Variants in RBFOX1 observed in about 807,000 individuals in gnomAD.
The protein encoded by RBFOX1 is RNA binding protein fox-1 homolog 1.
In RBFOX1, 8 loss-of-function variants were observed where a neutral mutation model predicts 57.7. The ratio of observed to expected loss-of-function variants is 0.14; its 90% CI spans 0.08 to 0.25. The LOEUF (loss-of-function observed/expected upper bound fraction) is 0.25, where lower values mean the gene tolerates loss of function less well. RBFOX1 is among the 10% of genes least tolerant of loss of function. The probability of loss-of-function intolerance (pLI) is 1.00; values close to 1 mark genes in which losing one functional copy is unlikely to be tolerated. For synonymous variants in RBFOX1, 326 were observed against 222.4 expected, an observed-to-expected ratio of 1.47 and a Z score of -4.15; for missense variants, 611 against 548.5, an observed-to-expected ratio of 1.11 and a Z score of -1.14.
At chr16:7,485,284 T>A (rs2065094104) in intron 4 of RBFOX1, among the ~76,000 whole-genome samples, 1 of 152,236 alleles carries the variant, frequency 6.6e-6, no homozygotes, top group Non-Finnish European at 1.5e-5. Flanking sequence ...TCCCTCATGT[T>A]TCCAGGCAGA....
chr16:6,980,109 G>C (rs1040701435), intron 3 of RBFOX1, among the ~76,000 whole-genome samples: 3 of 152,158 alleles, frequency 2.0e-5, no homozygotes, highest in African/African-American at 7.2e-5. Context: ...AACAGTCACA[G>C]CACAGGCTGG....
chr16:5,590,033 G>A (rs1165571489), intron 2 of RBFOX1, among the ~76,000 whole-genome samples: 2 of 134,672 alleles, frequency 1.5e-5, no homozygotes, highest in Non-Finnish European at 3.1e-5. Flanking sequence ...GCGTTTCAGA[G>A]GAGTCTGCGT....
At chr16:7,020,729 C>G (rs987820602) in intron 3 of RBFOX1, among the ~76,000 whole-genome samples, 4 of 152,056 alleles carry the variant, frequency 2.6e-5, no homozygotes, top group Non-Finnish European at 4.4e-5. Flanking sequence ...GGGAAATGTC[C>G]TTCCCTCTGA....
At chr16:6,392,221 C>G (rs1190980673) in intron 2 of RBFOX1, among the ~76,000 whole-genome samples, 1 of 152,134 alleles carries the variant, frequency 6.6e-6, no homozygotes, top group Non-Finnish European at 1.5e-5. Flanking sequence ...TACTGGTTAA[C>G]TCTAAGTATT....
At chr16:6,630,091 C>T (rs565245430) in intron 2 of RBFOX1, among the ~76,000 whole-genome samples, 1 of 151,916 alleles carries the variant, frequency 6.6e-6, no homozygotes, top group Admixed American at 6.6e-5. Context: ...TTTCAAATCC[C>T]TCCTTGGTCT....
At chr16:6,167,509 A>G (rs957424047) in intron 1 of RBFOX1, among the ~76,000 whole-genome samples, 1 of 151,956 alleles carries the variant, frequency 6.6e-6, no homozygotes, top group Admixed American at 6.6e-5. Context: ...TAACGGTTTT[A>G]TTACTCTTTG....
At chr16:6,724,731 T>C (rs11642392) in intron 3 of RBFOX1, among the ~76,000 whole-genome samples, 22,786 of 152,156 alleles carry the variant, frequency 0.15, 1,967 homozygotes, top group Non-Finnish European at 0.17. Flanking sequence ...CTTTTTTTTT[T>C]AATTTTAATT....
chr16:7,686,710 GACA>G (rs1197288768), intron 14 of RBFOX1, among the ~76,000 whole-genome samples: 7 of 152,086 alleles, frequency 4.6e-5, no homozygotes, highest in Admixed American at 1.3e-4. Context: ...CTGAGGTCCA[GACA>G]GGTGAAATGA....
chr16:7,013,634 G>C (rs147952034), intron 3 of RBFOX1, among the ~76,000 whole-genome samples: 5 of 152,308 alleles, frequency 3.3e-5, no homozygotes, highest in African/African-American at 4.8e-5. Context: ...TCAGGGAGGA[G>C]GGAGGATGCC....
chr16:7,653,020 T>G (rs1008419997), intron 11 of RBFOX1, among the ~76,000 whole-genome samples: 2 of 152,240 alleles, frequency 1.3e-5, no homozygotes, highest in African/African-American at 4.8e-5. Context: ...GAAAGTTGTG[T>G]GTATGTGTAT....
At chr16:7,198,384 A>C (rs1407024864) in intron 4 of RBFOX1, among the ~76,000 whole-genome samples, 1 of 152,226 alleles carries the variant, frequency 6.6e-6, no homozygotes, top group Non-Finnish European at 1.5e-5. Context: ...CAACATTGTG[A>C]ATGTACTAAA....
chr16:5,548,170 AAAAAATATATATAT>A lies in RBFOX1; in HGVS notation c.259-50730_259-50717del, dbSNP rs1229801326. Among the ~76,000 whole-genome samples, 22 of 40,714 alleles carry A rather than the reference AAAAAATATATATAT, an allele frequency of 5.4e-4. 2 individuals carry two copies. Among genetic ancestry groups the A allele is most frequent in the Admixed American group, 3.0e-3 (8 of 2,656 alleles). The allele number at this position is 40,714 out of a possible 152,430, so 26.7% of individuals were successfully genotyped here. ...AGCAAGACTCTGTTAAAAAAAAAAA[AAAAAATATATATAT>A]ATATATATATATATATATATAGACA... On this transcript the variant is annotated intron_variant, in intron 2 of 2. Transcript: ENST00000585867.
chr16:7,707,233 A>C (rs1036342757), intron 14 of RBFOX1, among the ~76,000 whole-genome samples: 1 of 152,164 alleles, frequency 6.6e-6, no homozygotes, highest in African/African-American at 2.4e-5. Flanking sequence ...AACCTGGTAT[A>C]ATCAATTGTT....
At chr16:6,710,757 C>T (rs1301865002) in intron 3 of RBFOX1, among the ~76,000 whole-genome samples, 1 of 152,218 alleles carries the variant, frequency 6.6e-6, no homozygotes, top group East Asian at 1.9e-4. Context: ...TGGCCCTTGG[C>T]AACCCCAAGC....
intron 3 of RBFOX1, among the ~76,000 whole-genome samples, chr16:5,782,052 G>C (rs1027611056): frequency 3.3e-5 from 5 of 152,182 alleles, no homozygotes; most frequent in African/African-American, 1.2e-4. Flanking sequence ...ACTAAAAATA[G>C]AGAAAGACAT....
intron 1 of RBFOX1, among the ~76,000 whole-genome samples, chr16:5,378,669 A>C (rs1359425078): frequency 6.6e-6 from 1 of 151,398 alleles, no homozygotes; most frequent in East Asian, 1.9e-4. Context: ...CTGGAGAGGA[A>C]GAGTTTCTGG....
chr16:5,316,908 G>T (rs552132646), intron 1 of RBFOX1, among the ~76,000 whole-genome samples: 41 of 152,158 alleles, frequency 2.7e-4, no homozygotes, highest in Admixed American at 7.9e-4. Context: ...AGTCCAATTG[G>T]CTGGGGTCTC....
At chr16:7,294,006 A>G (rs1398867998) in intron 4 of RBFOX1, among the ~76,000 whole-genome samples, 1 of 152,326 alleles carries the variant, frequency 6.6e-6, no homozygotes, top group Middle Eastern at 3.4e-3. Context: ...CTTTAAAGAT[A>G]AAATTTCTGA....
At chr16:7,282,481 C>T (rs1441687846) in intron 4 of RBFOX1, among the ~76,000 whole-genome samples, 1 of 152,040 alleles carries the variant, frequency 6.6e-6, no homozygotes, top group Non-Finnish European at 1.5e-5. Flanking sequence ...TAGAAGTTAT[C>T]AGGTGGATTT....
Sources: gnomAD v4.1 joint callset for allele counts (sites outside exome capture counted in the v4.1 genomes callset) on GRCh38, gnomAD v4.1.1 for gene constraint, MANE v1.5 for transcripts, NCBI Gene and HGNC (gene_info 2026-07-23, HGNC 2026-07-21) for gene names.